The following CNIH3 variants were observed in gnomAD, a reference collection of about 807,000 sequenced individuals.
CNIH3 encodes protein cornichon homolog 3.
CNIH3 carries 14 observed loss-of-function variants against 24.1 expected under a neutral mutation model. The observed-to-expected ratio is 0.58, with a 90% confidence interval of 0.38 to 0.91. The LOEUF (loss-of-function observed/expected upper bound fraction) is 0.91. CNIH3 is among the 40% of genes least tolerant of loss of function. CNIH3 has a pLI of 0.00. For synonymous variants in CNIH3, 68 were observed against 73.8 expected (o/e 0.92, Z 0.40); for missense variants, 178 against 196.8 (o/e 0.90, Z 0.57).
At chr1:224,636,435 A>G (rs748955653) in intron 1 of CNIH3, among the ~76,000 whole-genome samples, 2 of 152,206 alleles carry the variant, frequency 1.3e-5, no homozygotes, top group Admixed American at 1.3e-4. Flanking sequence ...CGAAGCCCGG[A>G]GGGGAATTCT....
intron 1 of CNIH3, among the ~76,000 whole-genome samples, chr1:224,466,237 A>G (rs1202170146): frequency 1.3e-5 from 2 of 152,182 alleles, no homozygotes; most frequent in Admixed American, 6.5e-5. Context: ...TGATGCTTTT[A>G]TAGTCACATC....
intron 1 of CNIH3, among the ~76,000 whole-genome samples, chr1:224,519,973 T>G (rs2124911943): frequency 6.6e-6 from 1 of 152,338 alleles, no homozygotes; most frequent in African/African-American, 2.4e-5. Flanking sequence ...TTTCCATCAC[T>G]GTAGAAAGTT....
At chr1:224,673,472 C>T (rs1487549920) in intron 1 of CNIH3, among the ~76,000 whole-genome samples, 1 of 152,200 alleles carries the variant, frequency 6.6e-6, no homozygotes, top group East Asian at 1.9e-4. Flanking sequence ...CTTCTGGCAT[C>T]TGCAGCATAA....
At chr1:224,434,781 C>G in exon 1 of CNIH3, 1 of 986,430 alleles carries the variant, frequency 1.0e-6, no homozygotes, top group Non-Finnish European at 1.2e-6. Flanking sequence ...TGATTCTTCC[C>G]CCAGCTGCTG....
At chr1:224,709,222 G>A (rs754441854) in intron 3 of CNIH3, among the ~76,000 whole-genome samples, 2 of 152,154 alleles carry the variant, frequency 1.3e-5, no homozygotes, top group Non-Finnish European at 2.9e-5. Context: ...ATCTATCATC[G>A]TTCATCTTCT....
At chr1:224,682,251 A>G (rs1237430869) in intron 2 of CNIH3, among the ~76,000 whole-genome samples, 1 of 152,182 alleles carries the variant, frequency 6.6e-6, no homozygotes. Context: ...TCCTCACAAT[A>G]ATGCTATGAG....
At chr1:224,453,828 T>C (rs1392457381) in intron 1 of CNIH3, among the ~76,000 whole-genome samples, 1 of 152,120 alleles carries the variant, frequency 6.6e-6, no homozygotes, top group East Asian at 1.9e-4. Flanking sequence ...AAGATTTTCA[T>C]AGCATTGAGG....
chr1:224,509,862 G>A (rs1263237886), intron 1 of CNIH3, among the ~76,000 whole-genome samples: 2 of 152,238 alleles, frequency 1.3e-5, no homozygotes, highest in East Asian at 1.9e-4. Flanking sequence ...AGAGCTGCAG[G>A]CGACAGTGTC....
intron 1 of CNIH3, among the ~76,000 whole-genome samples, chr1:224,659,517 A>G (rs777527216): frequency 2.1e-5 from 3 of 142,494 alleles, no homozygotes; most frequent in Non-Finnish European, 4.7e-5. Flanking sequence ...CTGAAAGCCA[A>G]ACCTGATGGG....
intron 1 of CNIH3, among the ~76,000 whole-genome samples, chr1:224,473,207 A>T (rs948039167): frequency 5.9e-5 from 9 of 152,220 alleles, no homozygotes; most frequent in African/African-American, 2.2e-4. Context: ...AAAGCAAAAA[A>T]TTAAAACATA....
intron 1 of CNIH3, among the ~76,000 whole-genome samples, chr1:224,508,264 G>C (rs1286734046): frequency 6.6e-6 from 1 of 152,182 alleles, no homozygotes. Context: ...ATTAAAGCCA[G>C]ATGTGGGCCT....
chr1:224,738,789 A>C (rs1689722691), intron 5 of CNIH3, among the ~76,000 whole-genome samples: 1 of 152,172 alleles, frequency 6.6e-6, no homozygotes, highest in South Asian at 2.1e-4. Flanking sequence ...GTCCATTAAA[A>C]ATAAGAGGGC....
intron 1 of CNIH3, among the ~76,000 whole-genome samples, chr1:224,437,631 G>A (rs1276667383): frequency 6.6e-6 from 1 of 152,118 alleles, no homozygotes; most frequent in Non-Finnish European, 1.5e-5. Context: ...CATTTAGTGG[G>A]CCATAATTTG....
At chr1:224,545,655 G>C (rs946333750) in intron 2 of CNIH3, among the ~76,000 whole-genome samples, 3 of 152,180 alleles carry the variant, frequency 2.0e-5, no homozygotes, top group Non-Finnish European at 4.4e-5. Context: ...GGAGGAAGAA[G>C]GGGCACAGAG....
At chr1:224,598,563 C>T (rs780888806) in intron 3 of CNIH3, among the ~76,000 whole-genome samples, 11 of 152,122 alleles carry the variant, frequency 7.2e-5, no homozygotes, top group Admixed American at 2.0e-4. Flanking sequence ...AGATCTTTCA[C>T]GAAAGGAAGA....
intron 1 of CNIH3, among the ~76,000 whole-genome samples, chr1:224,658,101 C>G (rs566361286): frequency 1.3e-4 from 20 of 152,300 alleles, no homozygotes; most frequent in African/African-American, 4.6e-4. Context: ...ATATGTCTCT[C>G]TTGGAATTCA....
In CNIH3 at chr1:224,684,937, T is replaced by C. The variant is rs1043489997; in HGVS notation, c.198+94T>C. ...GCTAGTGAGGCTCTGCCTGCTCCAG[T>C]CCTGTCCACCAGGGAGGCAAATGGT... On this transcript the variant is annotated intron_variant, in intron 3 of 5. Transcript: ENST00000272133. This position sits in a 1 kb window ranked among gnomAD's most constrained non-coding sequence, Gnocchi z 4.2. 8.2e-7 allele frequency: 1 copy of C among 1,226,370 alleles called. No individual in the cohort carries two copies. Among genetic ancestry groups the C allele is most frequent in the East Asian group, 2.3e-5 (1 of 42,966 alleles). The allele number at this position is 1,226,370 out of a possible 1,614,324, so 76.0% of individuals were successfully genotyped here. A position where few individuals can be genotyped will look rare whatever the true frequency, so the allele number is the denominator to read the frequency against.
chr1:224,646,711 C>T (rs981609013), intron 1 of CNIH3, among the ~76,000 whole-genome samples: 7 of 152,122 alleles, frequency 4.6e-5, no homozygotes, highest in Non-Finnish European at 7.4e-5. Flanking sequence ...CAGTCTATTA[C>T]AAGCAGGTTT....
At chr1:224,645,955 C>A (rs559227795) in intron 1 of CNIH3, among the ~76,000 whole-genome samples, 2 of 152,298 alleles carry the variant, frequency 1.3e-5, no homozygotes, top group African/African-American at 4.8e-5. Flanking sequence ...TGGCAGTATG[C>A]AGGCTATTTT....
Sources: allele counts gnomAD v4.1 joint callset (sites outside exome capture counted in the v4.1 genomes callset), GRCh38; gene constraint gnomAD v4.1.1; non-coding constraint Gnocchi (gnomAD v3.1); transcripts MANE v1.5; gene names NCBI Gene and HGNC (gene_info 2026-07-23, HGNC 2026-07-21).